Variants in VIRMA observed in about 807,000 individuals in gnomAD.
VIRMA encodes the protein vir like m6A methyltransferase associated.
Under a neutral mutation model 182.4 loss-of-function variants are expected in VIRMA, and 65 were observed. The observed-to-expected ratio is 0.36, with a 90% CI of 0.29 to 0.44. The LOEUF is 0.44. Ranked by LOEUF, VIRMA falls within the 20% of genes least tolerant of loss-of-function variation. The pLI, the probability that VIRMA is intolerant of heterozygous loss-of-function variation, is 1.00. For missense variants in VIRMA, 1,752 were observed against 2,158.1 expected (o/e 0.81, Z 3.73); for synonymous variants, 709 against 743.1 (o/e 0.95, Z 0.75).
Position 94,543,832 on chromosome 8 carries a change from T to C in VIRMA, c.174A>G (p.Ala58=), listed in dbSNP as rs773934349. 1.9e-6 allele frequency: 3 copies of C among 1,556,046 alleles called. No homozygotes were observed. The highest frequency in any genetic ancestry group is 2.6e-6 in the Non-Finnish European group (3 of 1,133,032). ...TAAAAAGAGAGTTGACTTACCCATATGCTCTATTGTCTGGCAGACTGCTAT... is the reference window on the plus strand; with the variant it reads ...TAAAAAGAGAGTTGACTTACCCATACGCTCTATTGTCTGGCAGACTGCTAT... ...RAHSSLPDNR[A]YGETSPHTFQ... is the part of the protein sequence containing the mutation. The change falls in exon 2 of 24, where the codon GCA becomes GCG. Residue 58 remains alanine (A), a synonymous_variant. Transcript: ENST00000297591.
At position 94,535,012 on chromosome 8, in the gene VIRMA, T is replaced by A; in HGVS notation, c.316-5A>T. The A allele has an allele frequency of 6.4e-7, 1 of 1,561,702 alleles. No individual in the cohort carries two copies. ...CACCAGACCATCAGTATTCACCTGA[T>A]TTTCAGGGAGGGCAAAAAAAATCTT... On this transcript the variant is annotated splice_region_variant and splice_polypyrimidine_tract_variant and intron_variant, in intron 4 of 23. Coordinates refer to ENST00000297591, the MANE Select transcript of VIRMA (RefSeq NM_015496.5).
rs1815069565 is a variant in VIRMA, at chr8:94,529,122, C to T, written c.828G>A (p.Glu276=). The change falls in exon 7 of 24, where the codon GAG becomes GAA. Residue 276 remains glutamate, a synonymous_variant. Transcript: ENST00000297591. The part of the protein sequence containing the change: ...DDRRTVDSIP[E]EEEEDEEEEG... Reference sequence around the variant, plus strand: ...CTTCCTCTTCATCTTCCTCTTCCTCCTCAGGAATACTGTCTACTGTTCGTC... The same window carrying T: ...CTTCCTCTTCATCTTCCTCTTCCTCTTCAGGAATACTGTCTACTGTTCGTC... 2 of 1,502,672 alleles carry T rather than the reference C, an allele frequency of 1.3e-6. No individual in the cohort carries two copies. The highest frequency in any genetic ancestry group is 1.9e-6 in the Non-Finnish European group (2 of 1,079,270). The allele number at this position is 1,502,672 out of a possible 1,614,324, so 93.1% of individuals were successfully genotyped here. A position where few individuals can be genotyped will look rare whatever the true frequency, so the allele number is the denominator to read the frequency against.
chr8:94,537,946 ATAATT>A (rs1249095995), intron 3 of VIRMA, among the ~76,000 whole-genome samples: 3 of 152,350 alleles, frequency 2.0e-5, no homozygotes, highest in East Asian at 1.9e-4. Flanking sequence ...ATGTGTCTAT[ATAATT>A]TAAGAATCAA....
chr8:94,515,777 T>C (rs1320082529), intron 10 of VIRMA, among the ~76,000 whole-genome samples: 3 of 152,108 alleles, frequency 2.0e-5, no homozygotes, highest in Non-Finnish European at 2.9e-5. Context: ...TAAAATGAAT[T>C]TTTATAACAA....
chr8:94,552,016 A>G (rs1790460182), intron 1 of VIRMA, among the ~76,000 whole-genome samples: 1 of 152,198 alleles, frequency 6.6e-6, no homozygotes, highest in Non-Finnish European at 1.5e-5. Context: ...CCACTGCGCC[A>G]GGCTCTTTCA....
Position 94,531,000 on chromosome 8 carries a change from T to G in VIRMA, c.570A>C (p.Pro190=). ...CAGGATCATCTTCATCATCATCAGG[T>G]GGAGGGGGTCCTGGAGGAGTTCTTG... ...RGPRTPPGPP[P]PDDDEDDPVP... The change falls in exon 6 of 24, where the codon CCA becomes CCC. Residue 190 remains proline (P), a synonymous_variant. Coordinates refer to ENST00000297591, the MANE Select transcript of VIRMA (RefSeq NM_015496.5). The G allele has an allele frequency of 6.2e-7, 1 of 1,604,160 alleles. No homozygotes were observed.
chr8:94,519,997 G>A (rs1182514026), intron 8 of VIRMA, among the ~76,000 whole-genome samples: 1 of 151,990 alleles, frequency 6.6e-6, no homozygotes, highest in East Asian at 1.9e-4. Context: ...GATCACTTTA[G>A]GCCAGGAGCT....
chr8:94,499,327 AATAC>A (rs1449932563), intron 17 of VIRMA, 43 bp downstream of exon 17: 8 of 1,330,622 alleles, frequency 6.0e-6, no homozygotes, highest in South Asian at 2.8e-5. Context: ...AGAAACACCA[AATAC>A]ATACATACAT....
Position 94,488,664 on chromosome 8 carries a change from G to A in VIRMA, c.*42C>T, listed in dbSNP as rs1224856273. On this transcript the variant is annotated 3_prime_UTR_variant, in exon 24 of 24. Coordinates refer to ENST00000297591, the MANE Select transcript of VIRMA (RefSeq NM_015496.5). ...TCAATGTCTTATTTTTATTGTCCTCGTGAAATGTTCATATACAGTTAAGAT... is the reference window on the plus strand; with the variant it reads ...TCAATGTCTTATTTTTATTGTCCTCATGAAATGTTCATATACAGTTAAGAT... 12 of 1,578,654 alleles carry A rather than the reference G, an allele frequency of 7.6e-6. No homozygotes were observed. The highest frequency in any genetic ancestry group is 1.7e-4 in the Middle Eastern group (1 of 5,950).
chr8:94,488,428 T>C lies in VIRMA; in HGVS notation c.*278A>G, dbSNP rs1397124681. 1.4e-5 allele frequency: 4 copies of C among 295,886 alleles called. No homozygotes were observed. Among genetic ancestry groups the C allele is most frequent in the South Asian group, 1.2e-4 (2 of 16,250 alleles). 18.3% of individuals were successfully genotyped at this position (295,886 alleles called of 1,614,324 possible). On this transcript the variant is annotated 3_prime_UTR_variant, in exon 24 of 24. Transcript: ENST00000297591. ...AGAAAGTTTGAGAATATCTGTGCTATAGGCAAGAAAAATACAAAACATCAT... is the reference window on the plus strand; with the variant it reads ...AGAAAGTTTGAGAATATCTGTGCTACAGGCAAGAAAAATACAAAACATCAT...
At chr8:94,540,129 C>T (rs558629787) in intron 2 of VIRMA, among the ~76,000 whole-genome samples, 3 of 152,030 alleles carry the variant, frequency 2.0e-5, no homozygotes, top group South Asian at 4.2e-4. Context: ...CCTTGATATG[C>T]GAACAGATTT....
chr8:94,491,822 A>G lies in VIRMA; in HGVS notation c.4896T>C (p.Gly1632=). The change falls in exon 22 of 24, where the codon GGT becomes GGC. Residue 1632 remains glycine, a synonymous_variant. Coordinates refer to ENST00000297591, the MANE Select transcript of VIRMA (RefSeq NM_015496.5). ...GACGAAAAATATCATGAGGTCGTAT[A>G]CCCTGTCCAAATCCTCCCCTGCCCC... The part of the protein sequence containing the change: ...RGRGRGGFGQ[G]IRPHDIFRQR... The G allele has an allele frequency of 6.2e-7, 1 of 1,613,338 alleles. No homozygotes were observed.
chr8:94,506,614 T>A lies in VIRMA; in HGVS notation c.3983A>T (p.Asp1328Val). 6.2e-7 allele frequency: 1 copy of A among 1,613,660 alleles called. No homozygotes were observed. Among genetic ancestry groups the A allele is most frequent in the Non-Finnish European group, 8.5e-7 (1 of 1,179,674 alleles). ...GTTAGCTAGCGTAGCCAACAGACAG[T>A]CACAGATTGAGGTCATCAATTCTTT... ...PNKELMTSICDCLLATLANSE... is the reference protein window; with the variant it reads ...PNKELMTSICVCLLATLANSE... Residue 1328 changes from aspartate (D) to valine (V), a missense_variant, in exon 16 of 24, where the codon GAC becomes GTC. By Grantham distance (152) the Asp-to-Val change is radical. This residue lies in a region of VIRMA where 777 missense variants were observed against 920.6 expected (regional missense o/e 0.84). Coordinates refer to ENST00000297591, the MANE Select transcript of VIRMA (RefSeq NM_015496.5).
Position 94,506,585 on chromosome 8 carries a change from C to CA in VIRMA, c.4011dup (p.Glu1338Ter), listed in dbSNP as rs767291804. On this transcript the variant is annotated frameshift_variant, in exon 16 of 24. Coordinates refer to ENST00000297591, the MANE Select transcript of VIRMA (RefSeq NM_015496.5). LOFTEE classifies it high-confidence loss of function. Reference sequence around the variant, plus strand: ...GTCAGTAAACAGTTGTAACTGCTCTCAGAGTTAGCTAGCGTAGCCAACAGA... The same window carrying CA: ...GTCAGTAAACAGTTGTAACTGCTCTCAAGAGTTAGCTAGCGTAGCCAACAGA... 1 of 1,613,546 alleles carries CA rather than the reference C, an allele frequency of 6.2e-7. No individual in the cohort carries two copies.
At chr8:94,522,826 T>A (rs1195261254) in intron 8 of VIRMA, among the ~76,000 whole-genome samples, 2 of 152,226 alleles carry the variant, frequency 1.3e-5, no homozygotes, top group Non-Finnish European at 2.9e-5. Flanking sequence ...CAATACATCT[T>A]GCAACACAAA....
At chr8:94,516,657 AAAT>A (rs1461657168) in intron 10 of VIRMA, among the ~76,000 whole-genome samples, 1 of 152,180 alleles carries the variant, frequency 6.6e-6, no homozygotes, top group East Asian at 1.9e-4. Context: ...AAGATATAAG[AAAT>A]AATAATAAAA....
At chr8:94,502,983 T>C (rs1814045076) in intron 16 of VIRMA, among the ~76,000 whole-genome samples, 1 of 151,970 alleles carries the variant, frequency 6.6e-6, no homozygotes, top group South Asian at 2.1e-4. Flanking sequence ...TTATATACAA[T>C]GAAAAAAATT....
At position 94,529,135 on chromosome 8, in the gene VIRMA, T is replaced by C; in HGVS notation, c.815A>G (p.Asp272Gly). The change falls in exon 7 of 24, where the codon GAC becomes GGC. Residue 272 changes from aspartate to glycine, a missense_variant. By Grantham distance (94) the Asp-to-Gly change is moderately conservative (BLOSUM62 -1). Around this residue, in one of 11 missense-constraint regions of VIRMA, gnomAD observed 114 missense variants for 106.9 expected, o/e 1.07. Transcript: ENST00000297591. Reference sequence around the variant, plus strand: ...TTCCTCTTCCTCCTCAGGAATACTGTCTACTGTTCGTCGATCATCCTCATC... The same window carrying C: ...TTCCTCTTCCTCCTCAGGAATACTGCCTACTGTTCGTCGATCATCCTCATC... ...DEDEDDRRTV[D>G]SIPEEEEEDE... 1.4e-6 allele frequency: 2 copies of C among 1,473,166 alleles called. No homozygotes were observed. Among genetic ancestry groups the C allele is most frequent in the Non-Finnish European group, 1.9e-6 (2 of 1,052,622 alleles). The allele number at this position is 1,473,166 out of a possible 1,614,324, so 91.3% of individuals were successfully genotyped here.
rs1270637627 is a variant in VIRMA at position 94,510,442 on chromosome 8, C to A, written c.3601G>T (p.Asp1201Tyr). ...CTTTGCAAGTCTTCTACAATCAAAT[C>A]CAACACAGTTCTCATAATCAGAAGT... is the stretch of plus-strand genomic sequence containing the variant. ...TALLIMRTVL[D>Y]LIVEDLQSTS... Residue 1201 changes from aspartate (D) to tyrosine (Y), a missense_variant, in exon 14 of 24, where the codon GAT (aspartate) becomes TAT (tyrosine). Physicochemically the swap from Asp to Tyr is radical, Grantham distance 160. This residue lies in a region of VIRMA where 777 missense variants were observed against 920.6 expected (regional missense o/e 0.84). Transcript: ENST00000297591. 6.2e-7 allele frequency: 1 copy of A among 1,613,924 alleles called. No individual in the cohort carries two copies. The highest frequency in any genetic ancestry group is 8.5e-7 in the Non-Finnish European group (1 of 1,179,890).
Sources: allele counts gnomAD v4.1 joint callset (sites outside exome capture counted in the v4.1 genomes callset), GRCh38; gene constraint gnomAD v4.1.1; regional missense constraint gnomAD v4.1.1; transcripts MANE v1.5; gene names NCBI Gene and HGNC (gene_info 2026-07-23, HGNC 2026-07-21).